Variants in CDC45 observed in about 807,000 individuals in gnomAD.
CDC45 encodes the protein cell division cycle 45.
A neutral mutation model predicts 77.8 loss-of-function variants in CDC45; 54 were observed. The ratio of observed to expected loss-of-function variants is 0.69; its 90% CI spans 0.56 to 0.87. CDC45 has a LOEUF of 0.87. CDC45 is among the 40% of genes least tolerant of loss of function. The probability of loss-of-function intolerance (pLI) is 0.00; values close to 1 mark genes in which losing one functional copy is unlikely to be tolerated. For synonymous variants in CDC45, 260 were observed against 272.1 expected, an observed-to-expected ratio of 0.96 and a Z score of 0.44; for missense variants, 649 against 721.6, an observed-to-expected ratio of 0.90 and a Z score of 1.15.
intron 17 of CDC45, 77 bp from the exon 18 acceptor site, chr22:19,518,767 A>G (rs1933941706): frequency 1.8e-6 from 2 of 1,137,218 alleles, no homozygotes; most frequent in East Asian, 4.7e-5. Context: ...GAGGGCAGGC[A>G]GCGGAGGGGA....
At chr22:19,516,755 C>T (rs770509134) in intron 16 of CDC45, 62 bp from the exon 17 acceptor site, 79 of 1,391,398 alleles carry the variant, frequency 5.7e-5, no homozygotes, top group South Asian at 5.6e-4. Context: ...TGTCCTGGGG[C>T]GGGGGGTGGG....
intron 9 of CDC45, among the ~76,000 whole-genome samples, chr22:19,500,934 T>C (rs192254313): frequency 1.3e-5 from 2 of 152,244 alleles, no homozygotes; most frequent in East Asian, 3.9e-4. Flanking sequence ...CCCAGCACTT[T>C]GGGAGGCAGA....
intron 2 of CDC45, among the ~76,000 whole-genome samples, chr22:19,480,620 A>G (rs1359456319): frequency 2.0e-5 from 3 of 151,872 alleles, no homozygotes; most frequent in Admixed American, 2.0e-4. Flanking sequence ...GGGAGCCCCT[A>G]GTCTATTAGG....
chr22:19,499,184 GC>G, intron 9 of CDC45, 33 bp downstream of exon 9: 1 of 1,611,876 alleles, frequency 6.2e-7, no homozygotes, highest in Non-Finnish European at 8.5e-7. Flanking sequence ...TGCAGGGTCA[GC>G]CCTGTGCTGT....
chr22:19,483,215 G>A (rs576974070), intron 4 of CDC45, among the ~76,000 whole-genome samples: 4 of 152,254 alleles, frequency 2.6e-5, no homozygotes, highest in East Asian at 1.9e-4. Context: ...GGCGGATTAC[G>A]AGGTCAGAAG....
In CDC45 at chr22:19,516,604, G is replaced by T; in HGVS notation, c.1518G>T (p.Val506=). 4 of 1,614,094 alleles carry T rather than the reference G, an allele frequency of 2.5e-6. No homozygotes were observed. Among genetic ancestry groups the T allele is most frequent in the Non-Finnish European group, 2.5e-6 (3 of 1,179,996 alleles). Residue 506 remains valine, a synonymous_variant, in exon 16 of 19, where the codon GTG becomes GTT. Transcript: ENST00000263201. ...PLSMEHGTVT[V]VGIPPETDSS... ...GCATGGAGCATGGCACAGTGACCGT[G>T]GTGGGCATCCCCCCAGAGACCGACA...
chr22:19,516,921 C>G (rs1239445149), intron 17 of CDC45, 28 bp downstream of exon 17: 3 of 1,580,128 alleles, frequency 1.9e-6, no homozygotes, highest in Non-Finnish European at 2.6e-6. Context: ...CTCTGCCACA[C>G]TTTCCCACCT....
chr22:19,485,206 G>A (rs552175116), intron 5 of CDC45, among the ~76,000 whole-genome samples: 1 of 152,078 alleles, frequency 6.6e-6, no homozygotes, highest in Non-Finnish European at 1.5e-5. Context: ...GGGATTTCCC[G>A]GGAAACATTC....
At chr22:19,512,950 G>C (rs927412850) in intron 13 of CDC45, among the ~76,000 whole-genome samples, 1 of 152,172 alleles carries the variant, frequency 6.6e-6, no homozygotes, top group African/African-American at 2.4e-5. Flanking sequence ...GGAGCTGGTG[G>C]GTGCAGAGAC....
rs13447235 is a variant in CDC45, at chr22:19,500,331, A to C, written c.704+1180A>C. Among the ~76,000 whole-genome samples the C allele has an allele frequency of 9.7e-4, 147 of 152,202 alleles. 1 individual carries two copies. The East Asian group carries it at 0.025, about 26-fold the overall frequency. ...TGAAACTGTCCCTATAAACTTTACA[A>C]AATTAATGAGGGCAGGGGGAGGGGA... On this transcript the variant is annotated intron_variant, in intron 9 of 18. Transcript: ENST00000263201.
intron 13 of CDC45, among the ~76,000 whole-genome samples, chr22:19,509,094 G>A (rs1008355107): frequency 9.3e-5 from 14 of 151,260 alleles, no homozygotes; most frequent in African/African-American, 2.4e-4. Flanking sequence ...ATGTCTTTTC[G>A]CTTGTTTTGA....
At chr22:19,504,381 C>T (rs1933036890) in intron 9 of CDC45, among the ~76,000 whole-genome samples, 1 of 152,200 alleles carries the variant, frequency 6.6e-6, no homozygotes, top group Non-Finnish European at 1.5e-5. Context: ...CTCATCGCAA[C>T]CTCCGCCTCC....
rs370964570 is a variant in CDC45, at chr22:19,494,396, T to G, written c.542+14T>G. On this transcript the variant is annotated intron_variant, in intron 6 of 18. Transcript: ENST00000263201. ...GGAGGCCCGGAGGTGAGTCTGTGCT[T>G]CCAGCTGCTCCCAGCACCAGAAGCC... The G allele has an allele frequency of 3.1e-6, 5 of 1,613,104 alleles. No homozygotes were observed. Among genetic ancestry groups the G allele is most frequent in the Middle Eastern group, 1.7e-4 (1 of 5,996 alleles).
intron 17 of CDC45, among the ~76,000 whole-genome samples, chr22:19,517,722 T>C (rs1933877886): frequency 6.6e-6 from 1 of 152,096 alleles, no homozygotes; most frequent in Admixed American, 6.5e-5. Flanking sequence ...TCTGCATACC[T>C]CCTTGGTGTC....
In CDC45 at chr22:19,488,539, C is replaced by T. The variant is rs142223073; in HGVS notation, c.486+4534C>T. 7.0e-3 allele frequency among the ~76,000 whole-genome samples: 1,062 copies of T among 152,324 alleles called. 4 individuals carry two copies. Among genetic ancestry groups the T allele is most frequent in the Middle Eastern group, 0.024 (7 of 294 alleles). On this transcript the variant is annotated intron_variant, in intron 5 of 18. Transcript: ENST00000263201. ...CCGGGCAGCCACTGCATGGCTCTCCCGACCAGCCTTGGAGTACCTCAGCAT... is the reference window on the plus strand; with the variant it reads ...CCGGGCAGCCACTGCATGGCTCTCCTGACCAGCCTTGGAGTACCTCAGCAT...
At chr22:19,482,120 T>G (rs895396611) in intron 3 of CDC45, among the ~76,000 whole-genome samples, 4 of 152,092 alleles carry the variant, frequency 2.6e-5, no homozygotes, top group Non-Finnish European at 4.4e-5. Flanking sequence ...AGAGAGGGGA[T>G]GGGACATGGA....
chr22:19,512,018 A>G (rs1485971389), intron 13 of CDC45, among the ~76,000 whole-genome samples: 1 of 150,092 alleles, frequency 6.7e-6, no homozygotes, highest in Non-Finnish European at 1.5e-5. Context: ...CCTCCCAGGT[A>G]GCTGGGACTA....
chr22:19,506,660 C>T (rs552091063), intron 10 of CDC45, among the ~76,000 whole-genome samples: 13 of 152,078 alleles, frequency 8.5e-5, no homozygotes, highest in African/African-American at 1.4e-4. Context: ...GGAGGTCGGG[C>T]GCTGTGGCTC....
intron 18 of CDC45, among the ~76,000 whole-genome samples, chr22:19,519,309 C>T (rs559822293): frequency 1.3e-5 from 2 of 152,206 alleles, no homozygotes. Context: ...AGCAGCCATC[C>T]GGGCTTTTGT....
Sources: gnomAD v4.1 joint callset for allele counts (sites outside exome capture counted in the v4.1 genomes callset) on GRCh38, gnomAD v4.1.1 for gene constraint, MANE v1.5 for transcripts, NCBI Gene and HGNC (gene_info 2026-07-23, HGNC 2026-07-21) for gene names.